The following TRPM3 variants were observed in gnomAD, a reference collection of about 807,000 sequenced individuals.
TRPM3 encodes long transient receptor potential channel 3.
Under a neutral mutation model 181.2 loss-of-function variants are expected in TRPM3, and 77 were observed. The observed-to-expected ratio is 0.42, with a 90% confidence interval of 0.35 to 0.51. TRPM3 has a LOEUF of 0.51. TRPM3 is among the 20% of genes least tolerant of loss of function. The pLI is 0.01. For missense variants in TRPM3, 1,759 were observed against 2,196.7 expected (o/e 0.80, Z 3.98); for synonymous variants, 745 against 796.4 (o/e 0.94, Z 1.09).
chr9:71,297,283 C>T (rs905403760), intron 1 of TRPM3, among the ~76,000 whole-genome samples: 1 of 152,126 alleles, frequency 6.6e-6, no homozygotes, highest in East Asian at 1.9e-4. Context: ...TTGTGAAGAA[C>T]TCACGATATG....
chr9:71,232,868 C>T (rs1182717772), intron 1 of TRPM3, among the ~76,000 whole-genome samples: 2 of 152,148 alleles, frequency 1.3e-5, no homozygotes, highest in Non-Finnish European at 2.9e-5. Context: ...CTTCTCCATA[C>T]ACCCTGCTGC....
chr9:70,890,346 A>G (rs1345651084), intron 1 of TRPM3, among the ~76,000 whole-genome samples: 1 of 152,032 alleles, frequency 6.6e-6, no homozygotes, highest in Admixed American at 6.6e-5. Flanking sequence ...TATATAAGTT[A>G]GAGACTCAGT....
chr9:70,541,754 G>A (rs899812997), intron 25 of TRPM3, among the ~76,000 whole-genome samples: 26 of 152,006 alleles, frequency 1.7e-4, no homozygotes, highest in Admixed American at 1.0e-3. Context: ...CAGGTGATCC[G>A]CCTGCCTCAG....
intron 1 of TRPM3, among the ~76,000 whole-genome samples, chr9:70,875,018 C>CTG (rs1399512730): frequency 2.0e-5 from 3 of 151,856 alleles, no homozygotes; most frequent in Admixed American, 2.0e-4. Flanking sequence ...GATTCCAATT[C>CTG]TGAGGTCAAA....
chr9:71,104,539 A>T (rs989507692), intron 1 of TRPM3, among the ~76,000 whole-genome samples: 1 of 152,204 alleles, frequency 6.6e-6, no homozygotes, highest in Non-Finnish European at 1.5e-5. Context: ...AACCTGTCTC[A>T]ATCACAAATT....
chr9:70,555,953 G>C (rs1433730475), intron 22 of TRPM3, among the ~76,000 whole-genome samples: 1 of 152,176 alleles, frequency 6.6e-6, no homozygotes, highest in African/African-American at 2.4e-5. Context: ...ACTATTCTGA[G>C]AGAATACAAA....
intron 1 of TRPM3, among the ~76,000 whole-genome samples, chr9:70,913,448 T>C (rs2096559104): frequency 1.3e-5 from 2 of 152,106 alleles, no homozygotes; most frequent in African/African-American, 4.8e-5. Context: ...TGAAAGAAGT[T>C]TAGAGATAGA....
chr9:70,795,607 T>G (rs1206795699), intron 6 of TRPM3, among the ~76,000 whole-genome samples: 1 of 152,220 alleles, frequency 6.6e-6, no homozygotes, highest in Non-Finnish European at 1.5e-5. Flanking sequence ...GGTGGCCTTT[T>G]GCATCACGCC....
chr9:70,779,153 T>C (rs1301335448), intron 7 of TRPM3, among the ~76,000 whole-genome samples: 1 of 152,178 alleles, frequency 6.6e-6, no homozygotes, highest in East Asian at 1.9e-4. Context: ...TCTATTCTCC[T>C]GCTCCCAAGC....
At chr9:71,442,410 G>A (rs2094147507) in intron 1 of TRPM3, among the ~76,000 whole-genome samples, 1 of 152,132 alleles carries the variant, frequency 6.6e-6, no homozygotes, top group South Asian at 2.1e-4. Flanking sequence ...AATAGCTGTG[G>A]GGGTAGAAAG....
At chr9:70,831,357 C>A (rs987377278) in intron 5 of TRPM3, among the ~76,000 whole-genome samples, 1 of 149,614 alleles carries the variant, frequency 6.7e-6, no homozygotes, top group Non-Finnish European at 1.5e-5. Flanking sequence ...GTAATGAAGC[C>A]ATTTTCATTG....
intron 1 of TRPM3, among the ~76,000 whole-genome samples, chr9:71,298,244 C>G (rs185465912): frequency 6.6e-6 from 1 of 152,040 alleles, no homozygotes; most frequent in Non-Finnish European, 1.5e-5. Context: ...AAATCTTTAA[C>G]GTTTGTTTTT....
intron 1 of TRPM3, among the ~76,000 whole-genome samples, chr9:71,408,554 A>G (rs923557558): frequency 6.6e-6 from 1 of 152,204 alleles, no homozygotes; most frequent in African/African-American, 2.4e-5. Flanking sequence ...AATTTAGAGG[A>G]AAAAGAGTAA....
intron 1 of TRPM3, among the ~76,000 whole-genome samples, chr9:71,384,802 G>A (rs1396962307): frequency 6.6e-6 from 1 of 152,042 alleles, no homozygotes; most frequent in African/African-American, 2.4e-5. Context: ...AGAATCCCAG[G>A]TGAGACTTTA....
At chr9:70,944,130 C>T (rs1203794290) in intron 1 of TRPM3, among the ~76,000 whole-genome samples, 1 of 152,122 alleles carries the variant, frequency 6.6e-6, no homozygotes, top group Non-Finnish European at 1.5e-5. Flanking sequence ...ATACAAGTGA[C>T]AGAGAAGCAA....
intron 9 of TRPM3, among the ~76,000 whole-genome samples, chr9:70,677,630 T>C (rs576394297): frequency 6.6e-6 from 1 of 152,362 alleles, no homozygotes; most frequent in African/African-American, 2.4e-5. Flanking sequence ...TGTGTAATCA[T>C]ATTTCTACAG....
At chr9:71,356,228 T>C (rs952733832) in intron 1 of TRPM3, among the ~76,000 whole-genome samples, 2 of 152,170 alleles carry the variant, frequency 1.3e-5, no homozygotes, top group African/African-American at 4.8e-5. Flanking sequence ...GGGGTACATG[T>C]GCAGGTTTGT....
chr9:71,272,790 A>G (rs958855110), intron 1 of TRPM3, among the ~76,000 whole-genome samples: 2 of 152,132 alleles, frequency 1.3e-5, no homozygotes, highest in African/African-American at 4.8e-5. Context: ...AAGAACTCAA[A>G]TGCATAATTC....
intron 1 of TRPM3, among the ~76,000 whole-genome samples, chr9:71,421,814 C>T (rs765595130): frequency 9.2e-5 from 14 of 151,844 alleles, no homozygotes; most frequent in Non-Finnish European, 1.8e-4. Flanking sequence ...CATAGCAAAA[C>T]GTAGAAAAGG....
Sources: allele counts gnomAD v4.1 joint callset (sites outside exome capture counted in the v4.1 genomes callset), GRCh38; gene constraint gnomAD v4.1.1; transcripts MANE v1.5; gene names NCBI Gene and HGNC (gene_info 2026-07-23, HGNC 2026-07-21).